PATJ: variants seen among roughly 807,000 people sequenced by gnomAD.
The protein encoded by PATJ is PATJ crumbs cell polarity complex component, also known as inaD-like protein.
In PATJ, 190 loss-of-function variants were observed where a neutral mutation model predicts 224.9. The ratio of observed to expected loss-of-function variants is 0.84; its 90% CI spans 0.75 to 0.95. The LOEUF (loss-of-function observed/expected upper bound fraction) is 0.95, where lower values mean the gene tolerates loss of function less well. PATJ is among the 40% of genes least tolerant of loss of function. The probability of loss-of-function intolerance (pLI) is 0.00; values close to 1 mark genes in which losing one functional copy is unlikely to be tolerated. For synonymous variants in PATJ, 769 were observed against 820.3 expected (o/e 0.94, Z 1.07); for missense variants, 2,121 against 2,270.3 (o/e 0.93, Z 1.34).
At chr1:61,984,164 A>ATTTTT (rs779439336) in intron 27 of PATJ, among the ~76,000 whole-genome samples, 1 of 132,106 alleles carries the variant, frequency 7.6e-6, no homozygotes, top group Non-Finnish European at 1.6e-5. Flanking sequence ...TATTATTATT[A>ATTTTT]TTTTTTTTTT....
chr1:62,139,581 A>AACTT (rs886431683), intron 41 of PATJ, among the ~76,000 whole-genome samples: 2 of 151,820 alleles, frequency 1.3e-5, no homozygotes, highest in African/African-American at 4.8e-5. Context: ...CTCAGAGTTG[A>AACTT]ACTTACATGA....
In PATJ at chr1:61,959,428, T is replaced by TTTTTC. The variant is rs1557944983; in HGVS notation, c.3671-30736_3671-30735insCTTTT. Among the ~76,000 whole-genome samples the TTTTTC allele has an allele frequency of 2.0e-4, 22 of 109,010 alleles. 1 individual carries two copies. The highest frequency in any genetic ancestry group is 5.0e-4 in the African/African-American group (14 of 27,736). 71.5% of individuals were successfully genotyped at this position (109,010 alleles called of 152,430 possible). On this transcript the variant is annotated intron_variant, in intron 27 of 43. Transcript: ENST00000642238. ...ATATATATTATATATATAATATATTTTTTTTCTTTTCTTTTTTTTTTTTTT... is the reference window on the plus strand; with the variant it reads ...ATATATATTATATATATAATATATTTTTTTCTTTTTCTTTTCTTTTTTTTTTTTTT...
At chr1:62,044,029 A>C (rs1042171856) in intron 30 of PATJ, among the ~76,000 whole-genome samples, 3 of 152,166 alleles carry the variant, frequency 2.0e-5, no homozygotes, top group African/African-American at 7.2e-5. Context: ...CCTGGCCAAC[A>C]TGATGTTTTG....
In PATJ at chr1:61,794,223, C is replaced by G. The variant is rs558422938; in HGVS notation, c.1169-1244C>G. Among the ~76,000 whole-genome samples the G allele has an allele frequency of 2.9e-3, 433 of 150,838 alleles. 2 individuals carry two copies. Among genetic ancestry groups the G allele is most frequent in the Middle Eastern group, 0.011 (3 of 284 alleles). ...GGACTTTTTTTTTTTCTTTAAGAGA[C>G]AAGCCTTAAGCTCCTGGGCTCAGGT... On this transcript the variant is annotated intron_variant, in intron 9 of 43. Coordinates refer to ENST00000642238, the MANE Select transcript of PATJ (RefSeq NM_001350145.3).
chr1:61,843,168 T>C (rs1217351297), intron 17 of PATJ, among the ~76,000 whole-genome samples: 4 of 152,174 alleles, frequency 2.6e-5, no homozygotes, highest in African/African-American at 4.8e-5. Flanking sequence ...GGCTGATTTT[T>C]ACACACCATT....
intron 24 of PATJ, among the ~76,000 whole-genome samples, chr1:61,905,090 G>C (rs1671682267): frequency 1.7e-5 from 1 of 59,138 alleles, no homozygotes; most frequent in South Asian, 7.2e-4. Flanking sequence ...TTTTTGTTGA[G>C]TCAGGTGTCT....
intron 28 of PATJ, among the ~76,000 whole-genome samples, chr1:61,996,048 T>C (rs755906179): frequency 6.6e-6 from 1 of 152,208 alleles, no homozygotes; most frequent in Admixed American, 6.5e-5. Context: ...CCTTTTGAGA[T>C]AGAAGAAGTA....
intron 29 of PATJ, among the ~76,000 whole-genome samples, chr1:62,032,166 G>A (rs760296674): frequency 1.3e-5 from 2 of 152,068 alleles, no homozygotes; most frequent in African/African-American, 2.4e-5. Context: ...GGAGGCTTTG[G>A]GGGAAAAGTT....
intron 31 of PATJ, among the ~76,000 whole-genome samples, chr1:62,072,080 A>G (rs1385178110): frequency 6.6e-6 from 1 of 152,182 alleles, no homozygotes; most frequent in Non-Finnish European, 1.5e-5. Flanking sequence ...TATTAAAAAA[A>G]AAATAGGATA....
At chr1:62,044,912 T>C (rs11590812) in intron 30 of PATJ, among the ~76,000 whole-genome samples, 51,652 of 152,034 alleles carry the variant, frequency 0.34, 9,675 homozygotes, top group Middle Eastern at 0.49. Context: ...TAAAAGAACA[T>C]TGGATTTAGA....
intron 14 of PATJ, among the ~76,000 whole-genome samples, chr1:61,809,170 A>T (rs147814808): frequency 6.6e-6 from 1 of 152,144 alleles, no homozygotes; most frequent in Non-Finnish European, 1.5e-5. Flanking sequence ...AACATTTTTT[A>T]GCATCCTGTC....
chr1:61,964,286 T>TG (rs1681752198), intron 27 of PATJ, among the ~76,000 whole-genome samples: 1 of 151,918 alleles, frequency 6.6e-6, no homozygotes, highest in Non-Finnish European at 1.5e-5. Flanking sequence ...TTCACCATGT[T>TG]GGCAAGGCTG....
intron 7 of PATJ, among the ~76,000 whole-genome samples, chr1:61,786,374 T>A (rs1300335528): frequency 6.6e-6 from 1 of 151,706 alleles, no homozygotes; most frequent in Non-Finnish European, 1.5e-5. Context: ...GGTGTTTTGT[T>A]GTTGTTGTTG....
At chr1:62,101,034 A>G (rs577745979) in intron 33 of PATJ, among the ~76,000 whole-genome samples, 1 of 152,190 alleles carries the variant, frequency 6.6e-6, no homozygotes, top group Non-Finnish European at 1.5e-5. Flanking sequence ...TTGGTAGCCT[A>G]TACTTCAAAT....
At chr1:61,875,692 C>T (rs72676208) in intron 21 of PATJ, among the ~76,000 whole-genome samples, 3,298 of 152,206 alleles carry the variant, frequency 0.022, 63 homozygotes, top group Non-Finnish European at 0.032. Flanking sequence ...ATTAAAATCT[C>T]TGATGCTCTT....
intron 27 of PATJ, among the ~76,000 whole-genome samples, chr1:61,946,299 A>G (rs1267463914): frequency 2.0e-5 from 3 of 152,220 alleles, no homozygotes; most frequent in Non-Finnish European, 4.4e-5. Flanking sequence ...GAAAAGATCA[A>G]CAAAATTGAT....
At chr1:62,125,268 A>AAAAAAAAAAAAAC (rs1665600364) in intron 39 of PATJ, among the ~76,000 whole-genome samples, 1 of 148,560 alleles carries the variant, frequency 6.7e-6, no homozygotes, top group East Asian at 2.0e-4. Flanking sequence ...AAAAAACAAA[A>AAAAAAAAAAAAAC]AAAAAACGCC....
At chr1:61,838,747 G>T (rs75566311) in intron 17 of PATJ, among the ~76,000 whole-genome samples, 3 of 151,906 alleles carry the variant, frequency 2.0e-5, no homozygotes, top group Non-Finnish European at 4.4e-5. Context: ...TTTCTTGCCA[G>T]TTTGTAGGTG....
chr1:61,814,130 C>CTTTTT lies in PATJ; in HGVS notation c.1683+5619_1683+5623dup, dbSNP rs762502160. On this transcript the variant is annotated intron_variant, in intron 14 of 43. Coordinates refer to ENST00000642238, the MANE Select transcript of PATJ (RefSeq NM_001350145.3). ...TCACCCAAAATTACATTATTCTCTT[C>CTTTTT]TTTTTTTTTTTTTTTTTTTTTTTGA... 3.9e-3 allele frequency among the ~76,000 whole-genome samples: 335 copies of CTTTTT among 85,852 alleles called. 2 individuals carry two copies. The highest frequency in any genetic ancestry group is 7.0e-3 in the African/African-American group (147 of 21,016). The allele number at this position is 85,852 out of a possible 152,430, so 56.3% of individuals were successfully genotyped here.
Sources: gnomAD v4.1 joint callset for allele counts (sites outside exome capture counted in the v4.1 genomes callset) on GRCh38, gnomAD v4.1.1 for gene constraint, MANE v1.5 for transcripts, NCBI Gene and HGNC (gene_info 2026-07-23, HGNC 2026-07-21) for gene names.